Variants in KIAA1328 observed in about 807,000 individuals in gnomAD.
The protein encoded by KIAA1328 is KIAA1328.
In KIAA1328, 52 loss-of-function variants were observed where a neutral mutation model predicts 68.1. The ratio of observed to expected loss-of-function variants is 0.76; its 90% CI spans 0.61 to 0.96. The LOEUF is 0.96. Among genes scored for constraint, KIAA1328 ranks in the 40% least tolerant of loss-of-function variants. KIAA1328 has a pLI of 0.00. For missense variants in KIAA1328, 641 were observed against 677.6 expected, an observed-to-expected ratio of 0.95 and a Z score of 0.60; for synonymous variants, 232 against 239.4, an observed-to-expected ratio of 0.97 and a Z score of 0.28.
intron 6 of KIAA1328, among the ~76,000 whole-genome samples, chr18:36,996,510 G>A (rs2053397525): frequency 6.6e-6 from 1 of 152,104 alleles, no homozygotes; most frequent in Admixed American, 6.5e-5. Flanking sequence ...AAAACAGTAA[G>A]TAAATATTTG....
chr18:37,100,255 CA>C (rs2057562693), intron 7 of KIAA1328, among the ~76,000 whole-genome samples: 1 of 152,140 alleles, frequency 6.6e-6, no homozygotes, highest in Non-Finnish European at 1.5e-5. Flanking sequence ...AGGGGTCAGG[CA>C]ATTCCCTTTC....
chr18:36,921,528 C>G (rs2049923325), intron 5 of KIAA1328, among the ~76,000 whole-genome samples: 1 of 151,750 alleles, frequency 6.6e-6, no homozygotes, highest in South Asian at 2.1e-4. Flanking sequence ...CTCAGCCTCC[C>G]AAGTAGCTGG....
At chr18:36,846,382 G>A (rs370533622) in intron 4 of KIAA1328, among the ~76,000 whole-genome samples, 1 of 151,416 alleles carries the variant, frequency 6.6e-6, no homozygotes, top group African/African-American at 2.4e-5. Flanking sequence ...AGAAAGAATA[G>A]TCTATATTAT....
intron 3 of KIAA1328, 25 bp from the exon 4 acceptor site, chr18:36,844,183 T>C (rs1334691672): frequency 6.7e-7 from 1 of 1,499,434 alleles, no homozygotes; most frequent in Non-Finnish European, 9.1e-7. Flanking sequence ...TTAGAAAAAG[T>C]GTAACTAAAT....
chr18:37,151,817 C>G (rs908205824), intron 7 of KIAA1328, among the ~76,000 whole-genome samples: 17 of 152,092 alleles, frequency 1.1e-4, no homozygotes, highest in Admixed American at 2.6e-4. Flanking sequence ...ATGAGAAGGG[C>G]ATCCATAGAA....
chr18:36,944,501 C>T (rs2151197812), intron 5 of KIAA1328, among the ~76,000 whole-genome samples: 1 of 152,222 alleles, frequency 6.6e-6, no homozygotes, highest in South Asian at 2.1e-4. Flanking sequence ...ATGGCGTGAA[C>T]CCGGGAGGCG....
chr18:36,839,567 C>T (rs765083754), intron 3 of KIAA1328, among the ~76,000 whole-genome samples: 3 of 152,134 alleles, frequency 2.0e-5, no homozygotes, highest in Non-Finnish European at 4.4e-5. Context: ...AGCAATTTTT[C>T]TCCTAATTAT....
At chr18:36,860,763 T>C (rs1025290278) in intron 4 of KIAA1328, among the ~76,000 whole-genome samples, 6 of 152,114 alleles carry the variant, frequency 3.9e-5, no homozygotes, top group African/African-American at 1.2e-4. Context: ...GAATAGAAAA[T>C]GAACTGCTAA....
intron 1 of KIAA1328, chr18:36,833,303 A>G (rs1346317105): frequency 6.6e-6 from 1 of 152,206 alleles, no homozygotes; most frequent in Middle Eastern, 3.2e-3. Flanking sequence ...GACATGACAT[A>G]TGACATAAGT....
chr18:36,954,993 A>G (rs974240115), intron 5 of KIAA1328, among the ~76,000 whole-genome samples: 1 of 151,672 alleles, frequency 6.6e-6, no homozygotes, highest in African/African-American at 2.4e-5. Context: ...TGGCTTTTTT[A>G]TCCATCCTTT....
chr18:37,106,184 A>G (rs537956061), intron 7 of KIAA1328, among the ~76,000 whole-genome samples: 17 of 152,064 alleles, frequency 1.1e-4, no homozygotes, highest in Non-Finnish European at 2.2e-4. Flanking sequence ...ATATTTGTCA[A>G]TAAAAAGAAA....
At chr18:37,214,725 A>C (rs962966663) in intron 9 of KIAA1328, among the ~76,000 whole-genome samples, 8 of 152,180 alleles carry the variant, frequency 5.3e-5, no homozygotes, top group African/African-American at 1.9e-4. Context: ...CATTGAATCT[A>C]TAAATTACCT....
chr18:37,144,029 A>G (rs972768425), intron 7 of KIAA1328, among the ~76,000 whole-genome samples: 1 of 152,116 alleles, frequency 6.6e-6, no homozygotes, highest in African/African-American at 2.4e-5. Flanking sequence ...GATAAAATTT[A>G]CCAGTGAAGC....
chr18:37,162,168 T>C (rs1011760301), intron 8 of KIAA1328, among the ~76,000 whole-genome samples: 1 of 152,208 alleles, frequency 6.6e-6, no homozygotes, highest in Non-Finnish European at 1.5e-5. Context: ...AGAAAGCTGT[T>C]ACAATTCTGC....
chr18:36,994,212 A>G (rs1288035002), intron 6 of KIAA1328, among the ~76,000 whole-genome samples: 1 of 152,214 alleles, frequency 6.6e-6, no homozygotes, highest in Non-Finnish European at 1.5e-5. Flanking sequence ...TTAGTGGAAT[A>G]AATCTCATAT....
intron 6 of KIAA1328, among the ~76,000 whole-genome samples, chr18:36,977,487 G>C (rs1372581061): frequency 1.1e-4 from 17 of 152,276 alleles, no homozygotes; most frequent in African/African-American, 3.6e-4. Flanking sequence ...CTGCTTGACA[G>C]ATTGAGTGAC....
chr18:37,191,099 G>A (rs146639082), intron 9 of KIAA1328, among the ~76,000 whole-genome samples: 1 of 152,196 alleles, frequency 6.6e-6, no homozygotes, highest in East Asian at 1.9e-4. Context: ...CTCTACCTAT[G>A]TGGCTACACT....
chr18:37,069,884 T>G (rs1298938572), intron 7 of KIAA1328, among the ~76,000 whole-genome samples: 1 of 152,122 alleles, frequency 6.6e-6, no homozygotes, highest in Non-Finnish European at 1.5e-5. Flanking sequence ...TACTTTGCTC[T>G]TCTTTTTTCC....
intron 9 of KIAA1328, among the ~76,000 whole-genome samples, chr18:37,220,028 G>A (rs903049571): frequency 2.6e-5 from 4 of 152,206 alleles, no homozygotes; most frequent in Non-Finnish European, 5.9e-5. Flanking sequence ...GCAACTGACA[G>A]TGGAGCTGCT....
Sources: gnomAD v4.1 joint callset for allele counts (sites outside exome capture counted in the v4.1 genomes callset) on GRCh38, gnomAD v4.1.1 for gene constraint, MANE v1.5 for transcripts, NCBI Gene and HGNC (gene_info 2026-07-23, HGNC 2026-07-21) for gene names.